KIAA1217: variants seen among roughly 807,000 people sequenced by gnomAD.
KIAA1217 encodes the protein KIAA1217, also known as sickle tail protein homolog.
A neutral mutation model predicts 163.9 loss-of-function variants in KIAA1217; 88 were observed. The ratio of observed to expected loss-of-function variants is 0.54; its 90% confidence interval spans 0.45 to 0.64. The LOEUF (loss-of-function observed/expected upper bound fraction) is 0.64, where lower values mean the gene tolerates loss of function less well. Among genes scored for constraint, KIAA1217 ranks in the 30% least tolerant of loss-of-function variants. The pLI is 0.00. For missense variants in KIAA1217, 2,372 were observed against 2,475.0 expected (o/e 0.96, Z 0.88); for synonymous variants, 903 against 923.1 (o/e 0.98, Z 0.39).
intron 2 of KIAA1217, among the ~76,000 whole-genome samples, chr10:24,357,848 A>AATGCTC (rs2049322529): frequency 6.6e-6 from 1 of 152,060 alleles, no homozygotes. Flanking sequence ...CTGGAGTGTG[A>AATGCTC]TTGGTGTCTG....
At chr10:24,102,253 A>G (rs1162385882) in intron 2 of KIAA1217, among the ~76,000 whole-genome samples, 1 of 152,222 alleles carries the variant, frequency 6.6e-6, no homozygotes, top group East Asian at 1.9e-4. Context: ...CCAGCAATAA[A>G]CAATTGAGAC....
At chr10:24,429,913 TG>T (rs1327901702) in intron 3 of KIAA1217, among the ~76,000 whole-genome samples, 2 of 151,940 alleles carry the variant, frequency 1.3e-5, no homozygotes, top group Non-Finnish European at 2.9e-5. Flanking sequence ...GAGTCCGAGG[TG>T]GTCAGATCAC....
At chr10:24,520,355 T>G in intron 11 of KIAA1217, 102 bp downstream of exon 11, 2 of 1,481,314 alleles carry the variant, frequency 1.4e-6, no homozygotes, top group South Asian at 2.5e-5. Context: ...AAGTATTTAT[T>G]AAACGTCTAC....
intron 2 of KIAA1217, among the ~76,000 whole-genome samples, chr10:24,176,369 T>C (rs2065890822): frequency 6.6e-6 from 1 of 151,994 alleles, no homozygotes; most frequent in Admixed American, 6.6e-5. Context: ...CTAGATTAGC[T>C]AGAAACAGAG....
chr10:24,475,324 C>T (rs1167824582), intron 6 of KIAA1217, among the ~76,000 whole-genome samples: 1 of 152,160 alleles, frequency 6.6e-6, no homozygotes, highest in African/African-American at 2.4e-5. Flanking sequence ...CTATTATATA[C>T]CATGTAAAAA....
intron 1 of KIAA1217, among the ~76,000 whole-genome samples, chr10:23,872,223 G>A (rs1417379985): frequency 2.0e-5 from 3 of 152,058 alleles, no homozygotes; most frequent in Non-Finnish European, 4.4e-5. Context: ...CCTTGGCAAA[G>A]GCAAAGGTGT....
chr10:23,736,547 G>C (rs530561350), intron 1 of KIAA1217, among the ~76,000 whole-genome samples: 8 of 152,206 alleles, frequency 5.3e-5, no homozygotes, highest in African/African-American at 1.4e-4. Flanking sequence ...TTTAGAGATG[G>C]GGTCTCGCTT....
At chr10:23,861,263 C>G (rs1177503148) in intron 1 of KIAA1217, among the ~76,000 whole-genome samples, 2 of 152,040 alleles carry the variant, frequency 1.3e-5, no homozygotes, top group Non-Finnish European at 2.9e-5. Context: ...TTTAGTAACA[C>G]AGGCAGGAGA....
intron 2 of KIAA1217, among the ~76,000 whole-genome samples, chr10:24,036,620 C>T (rs1169725689): frequency 6.6e-6 from 1 of 152,098 alleles, no homozygotes; most frequent in South Asian, 2.1e-4. Context: ...AGCTTGCAAT[C>T]GTGGCAGAAG....
At chr10:24,208,936 AGGACGGACGGAC>A (rs548289537), upstream of KIAA1217, 12 of 331,804 alleles carry the variant, frequency 3.6e-5, no homozygotes, top group South Asian at 2.8e-4. Context: ...AGCGCGCCTG[AGGACGGACGGAC>A]GGACGGACGG....
intron 2 of KIAA1217, among the ~76,000 whole-genome samples, chr10:24,062,798 C>A (rs552807975): frequency 6.6e-6 from 1 of 152,130 alleles, no homozygotes; most frequent in Non-Finnish European, 1.5e-5. Flanking sequence ...TCTCCAGCAC[C>A]TGTTGTTTCC....
At chr10:23,724,289 G>T (rs1445612560) in intron 1 of KIAA1217, among the ~76,000 whole-genome samples, 2 of 152,016 alleles carry the variant, frequency 1.3e-5, no homozygotes, top group Admixed American at 1.3e-4. Flanking sequence ...TTTTTAACAA[G>T]ATTTGATAAT....
chr10:24,105,324 C>T (rs1386235640), intron 2 of KIAA1217, among the ~76,000 whole-genome samples: 1 of 152,132 alleles, frequency 6.6e-6, no homozygotes, highest in African/African-American at 2.4e-5. Context: ...AATATAAAGA[C>T]TCAGCCATCA....
At chr10:24,019,098 G>A (rs1847620583) in intron 2 of KIAA1217, among the ~76,000 whole-genome samples, 1 of 152,028 alleles carries the variant, frequency 6.6e-6, no homozygotes, top group South Asian at 2.1e-4. Flanking sequence ...CAGTTAGACA[G>A]GAGAAATAAA....
chr10:23,734,423 A>G (rs1838668471), intron 1 of KIAA1217, among the ~76,000 whole-genome samples: 1 of 151,530 alleles, frequency 6.6e-6, no homozygotes, highest in Non-Finnish European at 1.5e-5. Flanking sequence ...AGTAGCTGGT[A>G]TTACAGGTGC....
chr10:24,083,166 C>T (rs1160855985), intron 2 of KIAA1217, among the ~76,000 whole-genome samples: 2 of 152,140 alleles, frequency 1.3e-5, no homozygotes, highest in African/African-American at 4.8e-5. Flanking sequence ...ATGTGAGATA[C>T]TGAAATCAAC....
intron 2 of KIAA1217, chr10:24,367,312 C>T (rs543367511): frequency 1.4e-4 from 29 of 206,344 alleles, no homozygotes; most frequent in Non-Finnish European, 1.2e-4. Flanking sequence ...CTGCACTTTT[C>T]GCTGTTTACC....
At chr10:23,760,618 A>C (rs1834210146) in intron 1 of KIAA1217, among the ~76,000 whole-genome samples, 1 of 152,120 alleles carries the variant, frequency 6.6e-6, no homozygotes, top group Non-Finnish European at 1.5e-5. Context: ...AATATAGGGG[A>C]ATGATTTTAA....
intron 1 of KIAA1217, among the ~76,000 whole-genome samples, chr10:24,210,856 A>G (rs1250509469): frequency 6.6e-6 from 1 of 152,168 alleles, no homozygotes; most frequent in Non-Finnish European, 1.5e-5. Flanking sequence ...TAAAATATAT[A>G]GCATGTTAGA....
Sources: allele counts gnomAD v4.1 joint callset (sites outside exome capture counted in the v4.1 genomes callset), GRCh38; gene constraint gnomAD v4.1.1; transcripts MANE v1.5; gene names NCBI Gene and HGNC (gene_info 2026-07-23, HGNC 2026-07-21).